Variants in RELN observed in about 807,000 individuals in gnomAD.
RELN encodes the protein reelin.
Under a neutral mutation model 427.6 loss-of-function variants are expected in RELN, and 108 were observed. The ratio of observed to expected loss-of-function variants is 0.25; its 90% CI spans 0.22 to 0.30. The LOEUF (loss-of-function observed/expected upper bound fraction) is 0.30. RELN is among the 10% of genes least tolerant of loss of function. RELN has a pLI of 1.00. For missense variants in RELN, 3,715 were observed against 4,302.8 expected (o/e 0.86, Z 3.82); for synonymous variants, 1,524 against 1,513.4 (o/e 1.01, Z -0.16).
chr7:103,603,545 G>T lies in RELN; in HGVS notation c.3147-55C>A. 7.5e-7 allele frequency: 1 copy of T among 1,330,640 alleles called. No individual in the cohort carries two copies. Among genetic ancestry groups the T allele is most frequent in the Non-Finnish European group, 1.1e-6 (1 of 922,274 alleles). The allele number at this position is 1,330,640 out of a possible 1,614,324, so 82.4% of individuals were successfully genotyped here. On this transcript the variant is annotated intron_variant, in intron 23 of 64. Transcript: ENST00000428762. The surrounding 1 kb of genome is among the most constrained non-coding windows in gnomAD (Gnocchi z 4.3). ...TTACAGGCCCACCTGCCAATGCAAT[G>T]GCCCTCTGACCTCAACCATTTCCCA...
At chr7:103,585,848 G>A (rs1333079893) in intron 28 of RELN, among the ~76,000 whole-genome samples, 2 of 152,134 alleles carry the variant, frequency 1.3e-5, no homozygotes, top group Non-Finnish European at 2.9e-5. Context: ...ACATCGAAAA[G>A]ATATACATCA....
chr7:103,898,957 T>A (rs1032963343), intron 2 of RELN, among the ~76,000 whole-genome samples: 11 of 152,032 alleles, frequency 7.2e-5, no homozygotes, highest in Non-Finnish European at 1.3e-4. Context: ...TTTAAATAAA[T>A]CAATTTAGTC....
At chr7:103,623,320 T>A (rs1832260270) in intron 20 of RELN, among the ~76,000 whole-genome samples, 1 of 152,230 alleles carries the variant, frequency 6.6e-6, no homozygotes, top group Non-Finnish European at 1.5e-5. Flanking sequence ...AGAGTCTTTG[T>A]AAGAAACAAT....
intron 1 of RELN, among the ~76,000 whole-genome samples, chr7:103,955,541 G>T (rs867963504): frequency 6.6e-6 from 1 of 152,132 alleles, no homozygotes; most frequent in African/African-American, 2.4e-5. Context: ...ACCTTCTCCA[G>T]TTCTAGAAAA....
intron 11 of RELN, among the ~76,000 whole-genome samples, chr7:103,665,337 G>GGTGTGT (rs565319459): frequency 1.4e-5 from 2 of 146,616 alleles, no homozygotes; most frequent in South Asian, 2.2e-4. Context: ...TCATACATAT[G>GGTGTGT]GTGTGTGTGT....
chr7:103,502,501 C>T (rs2117037857), intron 52 of RELN, among the ~76,000 whole-genome samples: 1 of 152,310 alleles, frequency 6.6e-6, no homozygotes, highest in South Asian at 2.1e-4. Flanking sequence ...CACCTCTGCT[C>T]ATCACTGGTC....
At chr7:103,545,749 C>T (rs956403144) in intron 41 of RELN, among the ~76,000 whole-genome samples, 2 of 152,070 alleles carry the variant, frequency 1.3e-5, no homozygotes, top group African/African-American at 4.8e-5. Context: ...TCAAGCGATT[C>T]TCCTGCCTCA....
chr7:103,926,316 G>T (rs542642262), intron 1 of RELN, among the ~76,000 whole-genome samples: 2 of 151,808 alleles, frequency 1.3e-5, no homozygotes, highest in Admixed American at 1.3e-4. Context: ...GGATGGTCTC[G>T]ATCTCTTGAC....
Position 103,503,239 on chromosome 7 carries a change from C to A in RELN, c.8275-9G>T. ...TTACATCCAACTGAGATCTAATAAA[C>A]AGAAAAACAAGATCAAGGTATTAAA... On this transcript the variant is annotated splice_polypyrimidine_tract_variant and intron_variant, in intron 51 of 64. Transcript: ENST00000428762. 1 of 1,611,928 alleles carries A rather than the reference C, an allele frequency of 6.2e-7. No individual in the cohort carries two copies. The highest frequency in any genetic ancestry group is 2.2e-5 in the East Asian group (1 of 44,872).
In RELN at chr7:103,861,972, T is replaced by C. The variant is rs150242762; in HGVS notation, c.338-28300A>G. Among the ~76,000 whole-genome samples, 768 of 152,036 alleles carry C rather than the reference T, an allele frequency of 5.1e-3. 30 individuals are homozygous for C. Among genetic ancestry groups the C allele is most frequent in the Admixed American group, 0.043 (649 of 15,248 alleles). On this transcript the variant is annotated intron_variant, in intron 2 of 64. Coordinates refer to ENST00000428762, the MANE Select transcript of RELN (RefSeq NM_005045.4). ...AAAAGAAGCAGAAGAGAGGAAGAAA[T>C]TAAAAATAAAAACATAGAAGTATGC...
At chr7:103,803,997 A>G (rs1044096943) in intron 3 of RELN, among the ~76,000 whole-genome samples, 4 of 152,110 alleles carry the variant, frequency 2.6e-5, no homozygotes, top group African/African-American at 9.7e-5. Flanking sequence ...AGATCTTCAA[A>G]TGACGTGTCA....
At chr7:103,527,467 C>T (rs1829848741) in intron 46 of RELN, among the ~76,000 whole-genome samples, 1 of 152,180 alleles carries the variant, frequency 6.6e-6, no homozygotes, top group Non-Finnish European at 1.5e-5. Flanking sequence ...TCTCATTAAG[C>T]AAACCTTTCA....
At position 103,919,133 on chromosome 7, in the gene RELN, CTTT is replaced by C. The variant is rs1187538150; in HGVS notation, c.227-1951_227-1949del. Among the ~76,000 whole-genome samples the C allele has an allele frequency of 5.5e-4, 56 of 101,338 alleles. No individual in the cohort carries two copies. In the East Asian group the frequency reaches 0.011, roughly 19 times the overall value. 66.5% of individuals were successfully genotyped at this position (101,338 alleles called of 152,430 possible). A position where few individuals can be genotyped will look rare whatever the true frequency, so the allele number is the denominator to read the frequency against. ...ATCCATATGTGAACTGATAATCGGT[CTTT>C]TTTTTTTTTTTTTTTTTTTTAGAAA... On this transcript the variant is annotated intron_variant, in intron 1 of 64. Coordinates refer to ENST00000428762, the MANE Select transcript of RELN (RefSeq NM_005045.4).
Position 103,483,529 on chromosome 7 carries a change from C to T in RELN, c.10181+124G>A, listed in dbSNP as rs564089156. 83 of 984,598 alleles carry T rather than the reference C, an allele frequency of 8.4e-5. No homozygotes were observed. The African/African-American group carries it at 1.1e-3, about 13-fold the overall frequency. 61.0% of individuals were successfully genotyped at this position (984,598 alleles called of 1,614,324 possible). ...AGATCTGGGTTAGTCTTCGTTCTGCCACCACCTAGTTTTGTGGCATTGGTG... is the reference window on the plus strand; with the variant it reads ...AGATCTGGGTTAGTCTTCGTTCTGCTACCACCTAGTTTTGTGGCATTGGTG... On this transcript the variant is annotated intron_variant, in intron 62 of 64. Coordinates refer to ENST00000428762, the MANE Select transcript of RELN (RefSeq NM_005045.4).
intron 2 of RELN, among the ~76,000 whole-genome samples, chr7:103,867,811 G>C (rs1325226304): frequency 6.6e-6 from 1 of 151,598 alleles, no homozygotes; most frequent in East Asian, 1.9e-4. Flanking sequence ...TAGTAAGAGA[G>C]AAAAAAAATG....
chr7:103,629,520 T>A (rs1046005252), intron 20 of RELN, among the ~76,000 whole-genome samples: 1 of 152,202 alleles, frequency 6.6e-6, no homozygotes, highest in African/African-American at 2.4e-5. Flanking sequence ...CTACTCATGA[T>A]AAATTTTATT....
At chr7:103,786,128 C>T (rs1406086641) in intron 3 of RELN, among the ~76,000 whole-genome samples, 3 of 151,510 alleles carry the variant, frequency 2.0e-5, no homozygotes, top group Admixed American at 1.3e-4. Flanking sequence ...CTATAGCATA[C>T]AATATTAAAA....
chr7:103,744,301 A>T (rs1408082297), intron 6 of RELN, among the ~76,000 whole-genome samples: 8 of 152,096 alleles, frequency 5.3e-5, no homozygotes, highest in Non-Finnish European at 1.0e-4. Flanking sequence ...AATGCCCACA[A>T]GAGAAAGCAG....
At chr7:103,528,490 T>TC (rs1384154341) in intron 46 of RELN, among the ~76,000 whole-genome samples, 1 of 151,876 alleles carries the variant, frequency 6.6e-6, no homozygotes, top group African/African-American at 2.4e-5. Context: ...GTGGGTTTTT[T>TC]TTTTTATTTA....
Sources: gnomAD v4.1 joint callset for allele counts (sites outside exome capture counted in the v4.1 genomes callset) on GRCh38, gnomAD v4.1.1 for gene constraint, Gnocchi (gnomAD v3.1) non-coding constraint, MANE v1.5 for transcripts, NCBI Gene and HGNC (gene_info 2026-07-23, HGNC 2026-07-21) for gene names.